Variants in EBF4 observed in about 807,000 individuals in gnomAD.
The protein encoded by EBF4 is EBF transcription factor 4, also known as transcription factor COE4.
EBF4 carries 34 observed loss-of-function variants against 67.1 expected under a neutral mutation model. The observed-to-expected ratio is 0.51, with a 90% CI of 0.39 to 0.67. The LOEUF (loss-of-function observed/expected upper bound fraction) is 0.67, where lower values mean the gene tolerates loss of function less well. EBF4 is among the 30% of genes least tolerant of loss of function. The pLI is 0.00. For missense variants in EBF4, 837 were observed against 873.3 expected (o/e 0.96, Z 0.52); for synonymous variants, 387 against 377.7 (o/e 1.02, Z -0.29).
chr20:2,752,270 G>A lies in EBF4; in HGVS notation c.1351+7G>A. 2 of 1,233,196 alleles carry A rather than the reference G, an allele frequency of 1.6e-6. No homozygotes were observed. The highest frequency in any genetic ancestry group is 2.0e-6 in the Non-Finnish European group (2 of 991,244). 76.4% of individuals were successfully genotyped at this position (1,233,196 alleles called of 1,614,324 possible). On this transcript the variant is annotated splice_region_variant and intron_variant, in intron 13 of 16. Coordinates refer to ENST00000609451, the Ensembl canonical transcript of EBF4. ...ACCCCGGGGCCCGAGCCGGGTGCGT[G>A]GGCCGCGCCTCCCCGCCGTCCTCGG...
In EBF4 at chr20:2,709,161, T is replaced by C. The variant is rs1389134899; in HGVS notation, c.489-413T>C. 2.0e-5 allele frequency among the ~76,000 whole-genome samples: 3 copies of C among 152,268 alleles called. No homozygotes were observed. The East Asian group carries it at 5.8e-4, about 29-fold the overall frequency. ...AACATCACGTCACTGTACTCCAGCC[T>C]GGGTGACAGAATGAGACTCTGTCTC... On this transcript the variant is annotated intron_variant, in intron 5 of 16. Coordinates refer to ENST00000609451, the Ensembl canonical transcript of EBF4.
chr20:2,728,892 C>T (rs999246271), intron 6 of EBF4, among the ~76,000 whole-genome samples: 1 of 151,988 alleles, frequency 6.6e-6, no homozygotes, highest in African/African-American at 2.4e-5. Context: ...AGTATTAATA[C>T]TCTGTGTAAT....
chr20:2,752,562 C>G lies in EBF4; in HGVS notation c.1540+17C>G. On this transcript the variant is annotated intron_variant, in intron 14 of 16. Coordinates refer to ENST00000609451, the Ensembl canonical transcript of EBF4. The stretch of plus-strand genomic sequence containing the variant: ...CCTTCGCCAGTGAGTGTCCCCCGCC[C>G]GCGAGGGAAGGTCTGGGGCCGGGGA... The G allele has an allele frequency of 1.6e-6, 2 of 1,235,066 alleles. No homozygotes were observed. Among genetic ancestry groups the G allele is most frequent in the Non-Finnish European group, 2.0e-6 (2 of 986,666 alleles). The allele number at this position is 1,235,066 out of a possible 1,614,324, so 76.5% of individuals were successfully genotyped here. A position where few individuals can be genotyped will look rare whatever the true frequency, so the allele number is the denominator to read the frequency against.
intron 1 of EBF4, among the ~76,000 whole-genome samples, chr20:2,700,108 C>T (rs2087352421): frequency 6.6e-6 from 1 of 152,212 alleles, no homozygotes; most frequent in South Asian, 2.1e-4. Flanking sequence ...CTCCCTCACC[C>T]ATCCCTCTGG....
intron 6 of EBF4, among the ~76,000 whole-genome samples, chr20:2,725,936 G>A (rs2087741255): frequency 6.6e-6 from 1 of 152,058 alleles, no homozygotes; most frequent in Admixed American, 6.6e-5. Flanking sequence ...TTCCCTTACC[G>A]TTTTTATGAA....
intron 6 of EBF4, among the ~76,000 whole-genome samples, chr20:2,721,941 G>A (rs1357092463): frequency 6.6e-6 from 1 of 152,146 alleles, no homozygotes. Flanking sequence ...GTCAGATATT[G>A]TGAACTTTTT....
rs756122534 is a variant in EBF4 at position 2,709,606 on chromosome 20, G to A, written c.521G>A (p.Arg174Gln). The change falls in exon 6 of 17, where the codon CGG (arginine) becomes CAG (glutamine). Residue 174 changes from arginine to glutamine, a missense_variant. Around this residue, in one of 3 missense-constraint regions of EBF4, gnomAD observed 226 missense variants for 306.5 expected, o/e 0.74. Transcript: ENST00000609451. ...TGTGACCGGAAGAGCTGTGGCAACC[G>A]GAATGAGACGCCCTCAGACCCCGTC... 3.9e-5 allele frequency: 60 copies of A among 1,557,302 alleles called. No homozygotes were observed. The South Asian group carries it at 5.4e-4, about 14-fold the overall frequency.
rs941230223 is a variant in EBF4 at position 2,707,495 on chromosome 20, G to A, written c.415-452G>A. 2.6e-5 allele frequency among the ~76,000 whole-genome samples: 4 copies of A among 152,088 alleles called. No individual in the cohort carries two copies. The highest frequency in any genetic ancestry group is 9.7e-5 in the African/African-American group (4 of 41,382). ...AGCTGTGCAGCCCTCGGAGCTGACTGGGCTGGCAGGGATAGCTGAGAAGGA... is the reference window on the plus strand; with the variant it reads ...AGCTGTGCAGCCCTCGGAGCTGACTAGGCTGGCAGGGATAGCTGAGAAGGA... On this transcript the variant is annotated intron_variant, in intron 4 of 16. Transcript: ENST00000609451. The surrounding 1 kb of genome is among the most constrained non-coding windows in gnomAD (Gnocchi z 4.6).
intron 6 of EBF4, among the ~76,000 whole-genome samples, chr20:2,744,795 A>G (rs1012865616): frequency 2.6e-5 from 4 of 152,320 alleles, no homozygotes; most frequent in South Asian, 2.1e-4. Flanking sequence ...CAAGGCCTCA[A>G]GTCACATATG....
chr20:2,715,602 G>A (rs909176857), intron 6 of EBF4, among the ~76,000 whole-genome samples: 2 of 152,084 alleles, frequency 1.3e-5, no homozygotes, highest in African/African-American at 2.4e-5. Context: ...AGTTTCTATC[G>A]CTCCACATCC....
At chr20:2,752,485 C>T (rs2088170526) in exon 14 of EBF4, 7 of 1,262,902 alleles carry the variant, frequency 5.5e-6, no homozygotes, top group East Asian at 6.3e-5. Context: ...CGTGGCCGGC[C>T]TCGGCGTGCC....
intron 6 of EBF4, among the ~76,000 whole-genome samples, chr20:2,728,803 T>A (rs1354214743): frequency 1.3e-5 from 2 of 152,136 alleles, no homozygotes; most frequent in African/African-American, 4.8e-5. Context: ...ATTTTTTTTT[T>A]ACACAGTTTC....
rs1243378408 is a variant in EBF4 at position 2,693,897 on chromosome 20, C to T, written c.137+115C>T. 9 of 1,212,172 alleles carry T rather than the reference C, an allele frequency of 7.4e-6. No individual in the cohort carries two copies. The highest frequency in any genetic ancestry group is 9.3e-6 in the Non-Finnish European group (9 of 967,598). 75.1% of individuals were successfully genotyped at this position (1,212,172 alleles called of 1,614,324 possible). Reference sequence around the variant, plus strand: ...GGAAGGAGCCCTAACTCTGGACGGTCCCGGCGAGCTCCCCGGCCCACCCCG... The same window carrying T: ...GGAAGGAGCCCTAACTCTGGACGGTTCCGGCGAGCTCCCCGGCCCACCCCG... On this transcript the variant is annotated intron_variant, in intron 1 of 16. Transcript: ENST00000609451. The surrounding 1 kb of genome is among the most constrained non-coding windows in gnomAD (Gnocchi z 4.6).
Position 2,755,441 on chromosome 20 carries a change from T to C in EBF4, c.1541-186T>C, listed in dbSNP as rs1356267505. ...TCATCCCCAGCCCCGAGAAAAGGTC[T>C]CCAGAACCGCTGAGAGGTCAGGGCT... is the stretch of plus-strand genomic sequence containing the variant. On this transcript the variant is annotated intron_variant, in intron 14 of 16. Coordinates refer to ENST00000609451, the Ensembl canonical transcript of EBF4. This position sits in a 1 kb window ranked among gnomAD's most constrained non-coding sequence, Gnocchi z 4.7. The C allele has an allele frequency of 3.4e-6, 2 of 588,224 alleles. No homozygotes were observed. The highest frequency in any genetic ancestry group is 1.9e-5 in the African/African-American group (1 of 53,380). The allele number at this position is 588,224 out of a possible 1,614,324, so 36.4% of individuals were successfully genotyped here.
intron 6 of EBF4, among the ~76,000 whole-genome samples, chr20:2,727,169 A>T (rs1438994825): frequency 6.6e-6 from 1 of 151,912 alleles, no homozygotes; most frequent in Non-Finnish European, 1.5e-5. Flanking sequence ...ATTATATATT[A>T]TATGTTTATA....
chr20:2,724,224 G>A (rs570120190), intron 6 of EBF4, among the ~76,000 whole-genome samples: 2 of 152,258 alleles, frequency 1.3e-5, no homozygotes, highest in South Asian at 2.1e-4. Flanking sequence ...TCAGAGTTTT[G>A]CACCCTGAAA....
chr20:2,742,525 T>G (rs577294633), intron 6 of EBF4, among the ~76,000 whole-genome samples: 23 of 152,322 alleles, frequency 1.5e-4, no homozygotes, highest in African/African-American at 5.3e-4. Flanking sequence ...CGACTTGGCC[T>G]TTCCCTTACT....
At position 2,706,594 on chromosome 20, in the gene EBF4, A is replaced by G. The variant is rs1484209771; in HGVS notation, c.414+330A>G. Among the ~76,000 whole-genome samples, 3 of 152,200 alleles carry G rather than the reference A, an allele frequency of 2.0e-5. No homozygotes were observed. In the East Asian group the frequency reaches 5.8e-4, roughly 29 times the overall value. On this transcript the variant is annotated intron_variant, in intron 4 of 16. Transcript: ENST00000609451. ...CAGGGGAGGGAGGTAAGCTGGACAG[A>G]AAACTGCACAGGGAGCTCTGGAGAA...
intron 6 of EBF4, among the ~76,000 whole-genome samples, chr20:2,730,813 A>G (rs2087803888): frequency 6.6e-6 from 1 of 152,236 alleles, no homozygotes. Flanking sequence ...TTTCTTCTCC[A>G]CCAGACTTCT....
Sources: gnomAD v4.1 joint callset for allele counts (sites outside exome capture counted in the v4.1 genomes callset) on GRCh38, gnomAD v4.1.1 for gene constraint, gnomAD v4.1.1 regional missense constraint, Gnocchi (gnomAD v3.1) non-coding constraint, MANE v1.5 for transcripts, NCBI Gene and HGNC (gene_info 2026-07-23, HGNC 2026-07-21) for gene names.